TMEM255B: variants seen among roughly 807,000 people sequenced by gnomAD.
TMEM255B encodes the protein family with sequence similarity 70, member B.
TMEM255B carries 35 observed loss-of-function variants against 34.5 expected under a neutral mutation model. The observed-to-expected ratio is 1.01, with a 90% confidence interval of 0.77 to 1.34. The LOEUF (loss-of-function observed/expected upper bound fraction) is 1.34. TMEM255B is among the 40% of genes most tolerant of loss of function. TMEM255B has a pLI of 0.00. For missense variants in TMEM255B, 432 were observed against 433.2 expected (o/e 1.00, Z 0.02); for synonymous variants, 206 against 201.2 (o/e 1.02, Z -0.20).
rs796331060 is a variant in TMEM255B at position 113,800,181 on chromosome 13, C to CTG, written c.424-633_424-632dup. The CTG allele has an allele frequency of 4.1e-4, 31 of 76,278 alleles. No homozygotes were observed. In the East Asian group the frequency reaches 5.7e-3, roughly 14 times the overall value. 4.7% of individuals were successfully genotyped at this position (76,278 alleles called of 1,614,324 possible). A position where few individuals can be genotyped will look rare whatever the true frequency, so the allele number is the denominator to read the frequency against. Reference sequence around the variant, plus strand: ...ATGTGTATGTGTGTGTGGAGGTGTCCTGTGTGTGTGTGTGGGGGGGGGTAG... The same window carrying CTG: ...ATGTGTATGTGTGTGTGGAGGTGTCCTGTGTGTGTGTGTGTGGGGGGGGGTAG... On this transcript the variant is annotated intron_variant, in intron 5 of 8. Coordinates refer to ENST00000375353, the MANE Select transcript of TMEM255B (RefSeq NM_182614.4).
chr13:113,792,903 G>A (rs1044593402), intron 3 of TMEM255B, among the ~76,000 whole-genome samples: 6 of 152,276 alleles, frequency 3.9e-5, no homozygotes, highest in African/African-American at 1.4e-4. Context: ...AGGGCGGGGA[G>A]GTGCCTGTTT....
rs1255104526 is a variant in TMEM255B at position 113,808,523 on chromosome 13, TGGGGGTTTACTTTGTGGTCCTG to T, written c.814-3201_814-3180del. 3.3e-3 allele frequency among the ~76,000 whole-genome samples: 498 copies of T among 151,504 alleles called. 1 individual carries two copies. The highest frequency in any genetic ancestry group is 0.011 in the African/African-American group (440 of 41,298). On this transcript the variant is annotated intron_variant, in intron 8 of 8. Coordinates refer to ENST00000375353, the MANE Select transcript of TMEM255B (RefSeq NM_182614.4). ...TTCCTGGCGGTTTACTCCATGTTCC[TGGGGGTTTACTTTGTGGTCCTG>T]GGGGGTTTACTCCATGGTTCCTGGG... is the stretch of plus-strand genomic sequence containing the variant.
Position 113,801,761 on chromosome 13 carries a change from C to A in TMEM255B, c.618C>A (p.Gly206=). ...LWASAVLNVL[G]LFLGIITAAV... is the part of the protein sequence containing the mutation. ...CCTCTGCAGTTCTGAACGTCCTGGG[C>A]CTGTTCCTGGGCATCATCACCGCCG... is the stretch of plus-strand genomic sequence containing the variant. The change falls in exon 7 of 9, where the codon GGC becomes GGA. Residue 206 remains glycine, a synonymous_variant. Coordinates refer to ENST00000375353, the MANE Select transcript of TMEM255B (RefSeq NM_182614.4). The A allele has an allele frequency of 6.2e-7, 1 of 1,612,678 alleles. No homozygotes were observed. Among genetic ancestry groups the A allele is most frequent in the Non-Finnish European group, 8.5e-7 (1 of 1,179,480 alleles).
At chr13:113,788,601 C>T (rs112098162) in intron 3 of TMEM255B, among the ~76,000 whole-genome samples, 10 of 152,224 alleles carry the variant, frequency 6.6e-5, no homozygotes, top group Admixed American at 2.0e-4. Flanking sequence ...TCTTAGCCGT[C>T]ATCGTGTGGG....
rs776689772 is a variant in TMEM255B at position 113,804,997 on chromosome 13, C to G, written c.782C>G (p.Pro261Arg). Residue 261 changes from proline to arginine, a missense_variant, in exon 8 of 9, where the codon CCG (proline) becomes CGG (arginine). Physicochemically the swap from Pro to Arg is moderately radical, Grantham distance 103 (BLOSUM62 -2). Transcript: ENST00000375353. ...AGFRLTPEPV[P>R]TCSSYPLPLQ... is the part of the protein sequence containing the mutation. ...TTCCGCCTGACGCCCGAGCCCGTCC[C>G]GACCTGCTCGTCCTACCCTCTGCCC... 6.2e-7 allele frequency: 1 copy of G among 1,605,706 alleles called. No individual in the cohort carries two copies. Among genetic ancestry groups the G allele is most frequent in the South Asian group, 1.1e-5 (1 of 90,698 alleles).
In TMEM255B at chr13:113,807,696, CG is replaced by C. The variant is rs1402997016; in HGVS notation, c.813+2671del. 2.9e-4 allele frequency among the ~76,000 whole-genome samples: 37 copies of C among 127,644 alleles called. 1 individual carries two copies. The highest frequency in any genetic ancestry group is 5.7e-4 in the Non-Finnish European group (35 of 61,598). 83.7% of individuals were successfully genotyped at this position (127,644 alleles called of 152,430 possible). A position where few individuals can be genotyped will look rare whatever the true frequency, so the allele number is the denominator to read the frequency against. ...GTCCTCCCCGTCACACGCAGGCTTA[CG>C]GGATGTGGGGGTGGTCCTCCCTGTC... On this transcript the variant is annotated intron_variant, in intron 8 of 8. Transcript: ENST00000375353.
intron 7 of TMEM255B, among the ~76,000 whole-genome samples, chr13:113,802,406 G>A (rs1370447167): frequency 6.6e-6 from 1 of 152,140 alleles, no homozygotes; most frequent in African/African-American, 2.4e-5. Context: ...CGTGGTGTGC[G>A]GCCAGCAAAC....
chr13:113,812,262 G>T lies in TMEM255B; in HGVS notation c.*359G>T. On this transcript the variant is annotated 3_prime_UTR_variant, in exon 9 of 9. Coordinates refer to ENST00000375353, the MANE Select transcript of TMEM255B (RefSeq NM_182614.4). ...CAGTGCAGCCCCGGCCTCCCTGCCT[G>T]TGTGTTCTTGTTTGTGGACATGTGT... The T allele has an allele frequency of 3.6e-6, 1 of 281,474 alleles. No individual in the cohort carries two copies. The highest frequency in any genetic ancestry group is 6.7e-6 in the Non-Finnish European group (1 of 150,028). The allele number at this position is 281,474 out of a possible 1,614,324, so 17.4% of individuals were successfully genotyped here.
intron 2 of TMEM255B, among the ~76,000 whole-genome samples, chr13:113,767,013 C>A (rs552846133): frequency 3.3e-5 from 5 of 152,328 alleles, no homozygotes; most frequent in Admixed American, 2.6e-4. Context: ...TGGCTTGGAT[C>A]AGCTGCGATG....
Position 113,761,396 on chromosome 13 carries a change from A to G in TMEM255B, c.46+2081A>G, listed in dbSNP as rs534080336. On this transcript the variant is annotated intron_variant, in intron 1 of 8. Coordinates refer to ENST00000375353, the MANE Select transcript of TMEM255B (RefSeq NM_182614.4). Reference sequence around the variant, plus strand: ...CTCATGTGGTTCAGCTCCTCCAGCTAAGGCTGGGGAAGGAGCCAGGAAGGG... The same window carrying G: ...CTCATGTGGTTCAGCTCCTCCAGCTGAGGCTGGGGAAGGAGCCAGGAAGGG... 2.1e-5 allele frequency: 21 copies of G among 982,774 alleles called. No homozygotes were observed. The East Asian group carries it at 2.2e-3, about 101-fold the overall frequency. The allele number at this position is 982,774 out of a possible 1,614,324, so 60.9% of individuals were successfully genotyped here.
rs927741763 is a variant in TMEM255B at position 113,814,625 on chromosome 13, T to C, written c.*2722T>C. Reference sequence around the variant, plus strand: ...CCTGGCCTGCAGTGTGGGCGGCGGCTGCTCTCGAGGTGCACCTGTCTCATG... The same window carrying C: ...CCTGGCCTGCAGTGTGGGCGGCGGCCGCTCTCGAGGTGCACCTGTCTCATG... On this transcript the variant is annotated 3_prime_UTR_variant, in exon 9 of 9. Coordinates refer to ENST00000375353, the MANE Select transcript of TMEM255B (RefSeq NM_182614.4). 3 of 152,226 alleles carry C rather than the reference T, an allele frequency of 2.0e-5. No homozygotes were observed. Among genetic ancestry groups the C allele is most frequent in the African/African-American group, 7.2e-5 (3 of 41,430 alleles). 9.4% of individuals were successfully genotyped at this position (152,226 alleles called of 1,614,324 possible).
intron 4 of TMEM255B, among the ~76,000 whole-genome samples, chr13:113,797,793 C>T (rs376573575): frequency 4.6e-5 from 7 of 152,228 alleles, no homozygotes; most frequent in South Asian, 2.1e-4. Flanking sequence ...ACTAATAAAA[C>T]TAAACGTGGG....
chr13:113,760,378 G>A (rs1009577787), intron 1 of TMEM255B, among the ~76,000 whole-genome samples: 1 of 152,158 alleles, frequency 6.6e-6, no homozygotes, highest in Non-Finnish European at 1.5e-5. Flanking sequence ...TTATTAACTA[G>A]TTTTATCATT....
Position 113,801,667 on chromosome 13 carries a change from C to T in TMEM255B, c.524C>T (p.Pro175Leu). 1.2e-6 allele frequency: 2 copies of T among 1,610,370 alleles called. No homozygotes were observed. The highest frequency in any genetic ancestry group is 1.7e-6 in the Non-Finnish European group (2 of 1,177,876). ...TCTCTGTGCAGCGCAGAGCCCTCGC[C>T]CGCCTACTATGAGTTCATCGGCGTC... ...LYACGSAEPSPAYYEFIGVSG... is the reference protein window; with the variant it reads ...LYACGSAEPSLAYYEFIGVSG... Residue 175 changes from proline (P) to leucine (L), a missense_variant, in exon 7 of 9, where the codon CCC becomes CTC. Physicochemically the swap from Pro to Leu is moderately conservative, Grantham distance 98. Coordinates refer to ENST00000375353, the MANE Select transcript of TMEM255B (RefSeq NM_182614.4).
Position 113,812,035 on chromosome 13 carries a change from C to A in TMEM255B, c.*132C>A. 2 of 1,198,996 alleles carry A rather than the reference C, an allele frequency of 1.7e-6. No individual in the cohort carries two copies. Among genetic ancestry groups the A allele is most frequent in the African/African-American group, 1.5e-5 (1 of 64,782 alleles). The allele number at this position is 1,198,996 out of a possible 1,614,324, so 74.3% of individuals were successfully genotyped here. On this transcript the variant is annotated 3_prime_UTR_variant, in exon 9 of 9. Coordinates refer to ENST00000375353, the MANE Select transcript of TMEM255B (RefSeq NM_182614.4). ...GTTCCAGAAGTCTGTCCCCTCCTTT[C>A]CTCCCTGGGCACACTGGTGAGGGAG... is the stretch of plus-strand genomic sequence containing the variant.
At chr13:113,772,989 G>T (rs1308621248) in intron 3 of TMEM255B, among the ~76,000 whole-genome samples, 1 of 152,196 alleles carries the variant, frequency 6.6e-6, no homozygotes, top group East Asian at 1.9e-4. Flanking sequence ...TCAGTGTAGG[G>T]AGTGTTACCA....
intron 1 of TMEM255B, among the ~76,000 whole-genome samples, chr13:113,763,615 GA>G: frequency 6.6e-6 from 1 of 152,232 alleles, no homozygotes; most frequent in East Asian, 1.9e-4. Flanking sequence ...ATAGTGCATT[GA>G]AAAAAGACCA....
rs188712498 is a variant in TMEM255B, at chr13:113,785,645, C to T, written c.253-9503C>T. Among the ~76,000 whole-genome samples the T allele has an allele frequency of 7.9e-5, 12 of 152,332 alleles. No individual in the cohort carries two copies. In the East Asian group the frequency reaches 2.3e-3, roughly 29 times the overall value. On this transcript the variant is annotated intron_variant, in intron 3 of 8. Coordinates refer to ENST00000375353, the MANE Select transcript of TMEM255B (RefSeq NM_182614.4). ...TCAGTCTCCCCAACATGAGCTTTCC[C>T]TGGTTTTGAAACCCTTAGGTCATTG...
rs57710119 is a variant in TMEM255B, at chr13:113,811,944, T to C, written c.*41T>C. The stretch of plus-strand genomic sequence containing the variant: ...AAAGATAACTTGTTTGTTTTTTTTT[T>C]TAAAAAAAAGGCAGCCTCTAGAAAT... On this transcript the variant is annotated 3_prime_UTR_variant, in exon 9 of 9. Coordinates refer to ENST00000375353, the MANE Select transcript of TMEM255B (RefSeq NM_182614.4). 2 of 1,473,176 alleles carry C rather than the reference T, an allele frequency of 1.4e-6. No homozygotes were observed. The highest frequency in any genetic ancestry group is 1.8e-6 in the Non-Finnish European group (2 of 1,113,960). 91.3% of individuals were successfully genotyped at this position (1,473,176 alleles called of 1,614,324 possible).
Sources: gnomAD v4.1 joint callset for allele counts (sites outside exome capture counted in the v4.1 genomes callset) on GRCh38, gnomAD v4.1.1 for gene constraint, MANE v1.5 for transcripts, NCBI Gene and HGNC (gene_info 2026-07-23, HGNC 2026-07-21) for gene names.